The following MICAL3 variants were observed in gnomAD, a reference collection of about 807,000 sequenced individuals.
MICAL3 encodes microtubule associated monooxygenase, calponin and LIM domain containing 3.
MICAL3 carries 62 observed loss-of-function variants against 207.4 expected under a neutral mutation model. That is an observed-to-expected ratio of 0.30 (90% CI 0.24 to 0.37). The LOEUF (loss-of-function observed/expected upper bound fraction) is 0.37, where lower values mean the gene tolerates loss of function less well. Among genes scored for constraint, MICAL3 ranks in the 10% least tolerant of loss-of-function variants. The pLI, the probability that MICAL3 is intolerant of heterozygous loss-of-function variation, is 1.00. For synonymous variants in MICAL3, 1,077 were observed against 1,069.3 expected (o/e 1.01, Z -0.14); for missense variants, 2,368 against 2,635.6 (o/e 0.90, Z 2.22).
chr22:17,995,997 C>A (rs1372029054), intron 1 of MICAL3, among the ~76,000 whole-genome samples: 2 of 151,640 alleles, frequency 1.3e-5, no homozygotes, highest in Non-Finnish European at 2.9e-5. Context: ...CCCATCTCTA[C>A]AAAAAATTTT....
rs1311700386 is a variant in MICAL3 at position 17,906,566 on chromosome 22, C to T, written c.247G>A (p.Ala83Thr). ...AAGCTTACCTTGGTGTTAGTGCACG[C>T]TTTTCCCTTTTTGTAGTCTTTGTGA... ...GSHKDYKKGK[A>T]CTNTKCLIIG... Residue 83 changes from alanine (A) to threonine (T), a missense_variant, in exon 2 of 32, where the codon GCG (alanine) becomes ACG (threonine). Transcript: ENST00000441493. The T allele has an allele frequency of 1.2e-6, 2 of 1,611,706 alleles. No individual in the cohort carries two copies. The highest frequency in any genetic ancestry group is 3.3e-5 in the Admixed American group (2 of 59,918).
At chr22:17,821,998 A>C in intron 24 of MICAL3, 32 bp downstream of exon 24, 5 of 1,610,132 alleles carry the variant, frequency 3.1e-6, no homozygotes, top group Non-Finnish European at 4.2e-6. Flanking sequence ...AGGAATTCTG[A>C]AAGTTGTTTC....
chr22:17,908,269 T>C (rs1931887890), intron 1 of MICAL3, among the ~76,000 whole-genome samples: 1 of 152,146 alleles, frequency 6.6e-6, no homozygotes. Context: ...AGTTTCCTTG[T>C]GTGTAAGACA....
At chr22:17,803,926 C>T in intron 29 of MICAL3, 1 of 722,374 alleles carries the variant, frequency 1.4e-6, no homozygotes, top group Non-Finnish European at 1.7e-6. Flanking sequence ...CCCCCATACC[C>T]AATCAATGAT....
Position 17,841,965 on chromosome 22 carries a change from GC to G in MICAL3, c.2657del (p.Gly886AlafsTer15). Reference sequence around the variant, plus strand: ...TCTCCAGCTCGATCCGCTCTGGGGTGCCCCTCAGTCGCTTGGCGATGCTGGG... The same window carrying G: ...TCTCCAGCTCGATCCGCTCTGGGGTGCCCTCAGTCGCTTGGCGATGCTGGG... Reference protein sequence around the residue: ...EEPSIAKRLRGTPERIELENY... With the variant: ...EEPSIAKRLRXTPERIELENY... On this transcript the variant is annotated frameshift_variant, in exon 20 of 32. Coordinates refer to ENST00000441493, the MANE Select transcript of MICAL3 (RefSeq NM_015241.3). LOFTEE classifies it high-confidence loss of function. This position sits in a 1 kb window ranked among gnomAD's most constrained non-coding sequence, Gnocchi z 4.2. The G allele has an allele frequency of 6.2e-7, 1 of 1,607,154 alleles. No homozygotes were observed.
At chr22:17,873,615 G>A (rs1239498523) in intron 16 of MICAL3, among the ~76,000 whole-genome samples, 1 of 152,240 alleles carries the variant, frequency 6.6e-6, no homozygotes, top group Admixed American at 6.5e-5. Context: ...AGCCCAGGAA[G>A]GTGGGAATGT....
intron 19 of MICAL3, chr22:17,862,021 A>C: frequency 2.0e-6 from 2 of 985,424 alleles, no homozygotes; most frequent in South Asian, 4.7e-5. Context: ...TATAAAGAGG[A>C]GGCACAGAGT....
At chr22:17,984,235 C>A (rs1171692795) in intron 1 of MICAL3, among the ~76,000 whole-genome samples, 2 of 152,178 alleles carry the variant, frequency 1.3e-5, no homozygotes, top group African/African-American at 4.8e-5. Context: ...TCCTCCACTG[C>A]CCTGAGAGCC....
intron 1 of MICAL3, among the ~76,000 whole-genome samples, chr22:17,914,668 T>A (rs1160734151): frequency 1.3e-5 from 2 of 152,214 alleles, no homozygotes; most frequent in Non-Finnish European, 2.9e-5. Flanking sequence ...AATACAGGAT[T>A]CTTTTTCTCC....
intron 1 of MICAL3, among the ~76,000 whole-genome samples, chr22:18,008,304 C>T (rs2146500242): frequency 6.6e-6 from 1 of 152,306 alleles, no homozygotes; most frequent in Admixed American, 6.5e-5. Flanking sequence ...AAATAGCACA[C>T]CCGTGACTGC....
chr22:17,945,882 T>C (rs964413261), intron 1 of MICAL3, among the ~76,000 whole-genome samples: 1 of 152,036 alleles, frequency 6.6e-6, no homozygotes, highest in African/African-American at 2.4e-5. Context: ...CACAGGAGCA[T>C]GTTCACTCGG....
At chr22:17,866,651 A>AATAGAATAGAATAGAAT in intron 17 of MICAL3, among the ~76,000 whole-genome samples, 1 of 150,774 alleles carries the variant, frequency 6.6e-6, no homozygotes, top group Non-Finnish European at 1.5e-5. Context: ...AATAGAATAG[A>AATAGAATAGAATAGAAT]ATAGAATAGA....
intron 2 of MICAL3, among the ~76,000 whole-genome samples, chr22:17,905,649 C>T (rs1931658610): frequency 6.6e-6 from 1 of 152,170 alleles, no homozygotes; most frequent in African/African-American, 2.4e-5. Context: ...CAAATTAAAG[C>T]TCGTGAAAGA....
At chr22:17,910,763 T>G (rs1379751413) in intron 1 of MICAL3, among the ~76,000 whole-genome samples, 1 of 152,184 alleles carries the variant, frequency 6.6e-6, no homozygotes, top group Non-Finnish European at 1.5e-5. Flanking sequence ...TTACCCGGCA[T>G]TCTCCTTGGC....
intron 1 of MICAL3, among the ~76,000 whole-genome samples, chr22:17,938,753 G>C (rs76013843): frequency 6.6e-6 from 1 of 152,170 alleles, no homozygotes; most frequent in African/African-American, 2.4e-5. Context: ...CTCCACACCA[G>C]TGCTCCTGGC....
At position 17,899,022 on chromosome 22, in the gene MICAL3, T is replaced by C. The variant is rs562785613; in HGVS notation, c.948+426A>G. Among the ~76,000 whole-genome samples, 17 of 152,318 alleles carry C rather than the reference T, an allele frequency of 1.1e-4. No homozygotes were observed. In the South Asian group the frequency reaches 3.5e-3, roughly 32 times the overall value. ...TGCTCCCCCTCCCAAAAGATAACTC[T>C]TCAACCAACCAATCATCAGTCAGAT... On this transcript the variant is annotated intron_variant, in intron 7 of 31. Coordinates refer to ENST00000441493, the MANE Select transcript of MICAL3 (RefSeq NM_015241.3).
intron 19 of MICAL3, among the ~76,000 whole-genome samples, chr22:17,843,145 C>A (rs970319824): frequency 4.7e-5 from 6 of 127,196 alleles, no homozygotes; most frequent in Non-Finnish European, 1.0e-4. Flanking sequence ...AAAAAAAAAT[C>A]CCATCACTCC....
chr22:17,936,525 G>A (rs539823923), intron 1 of MICAL3, among the ~76,000 whole-genome samples: 61 of 150,422 alleles, frequency 4.1e-4, no homozygotes, highest in African/African-American at 1.4e-3. Context: ...GTATACCTAC[G>A]TATCAAACCT....
intron 16 of MICAL3, chr22:17,875,678 A>T (rs1928237146): frequency 5.3e-5 from 13 of 244,722 alleles, no homozygotes; most frequent in East Asian, 2.5e-4. Context: ...AATACCATGT[A>T]TAGTAAAAAA....
Sources: allele counts gnomAD v4.1 joint callset (sites outside exome capture counted in the v4.1 genomes callset), GRCh38; gene constraint gnomAD v4.1.1; non-coding constraint Gnocchi (gnomAD v3.1); transcripts MANE v1.5; gene names NCBI Gene and HGNC (gene_info 2026-07-23, HGNC 2026-07-21).